SSTR2: variants seen among roughly 807,000 people sequenced by gnomAD.
SSTR2 encodes somatostatin receptor 2.
SSTR2 carries 10 observed loss-of-function variants against 21.4 expected under a neutral mutation model. The observed-to-expected ratio is 0.47, with a 90% CI of 0.29 to 0.79. The LOEUF is 0.79. SSTR2 is among the 30% of genes least tolerant of loss of function. The pLI is 0.10. For synonymous variants in SSTR2, 177 were observed against 181.3 expected (o/e 0.98, Z 0.19); for missense variants, 364 against 468.8 (o/e 0.78, Z 2.06).
chr17:73,168,349 C>A (rs2061222882), intron 1 of SSTR2, among the ~76,000 whole-genome samples: 1 of 152,210 alleles, frequency 6.6e-6, no homozygotes, highest in Non-Finnish European at 1.5e-5. Context: ...CAGGCAAATT[C>A]TCTGGAGTGT....
Position 73,169,194 on chromosome 17 carries a change from G to A in SSTR2, c.-92-34G>A, listed in dbSNP as rs2061225580. 1 of 1,195,206 alleles carries A rather than the reference G, an allele frequency of 8.4e-7. No homozygotes were observed. The highest frequency in any genetic ancestry group is 1.6e-5 in the South Asian group (1 of 62,238). 74.0% of individuals were successfully genotyped at this position (1,195,206 alleles called of 1,614,324 possible). A position where few individuals can be genotyped will look rare whatever the true frequency, so the allele number is the denominator to read the frequency against. On this transcript the variant is annotated intron_variant, in intron 1 of 1. Transcript: ENST00000357585. This position sits in a 1 kb window ranked among gnomAD's most constrained non-coding sequence, Gnocchi z 5.2. ...TTTGGTGAGACTTTAAACAGCCTGT[G>A]ACCGACGGGCCAATCTTCCTCTTTT...
chr17:73,165,338 TAAGA>T (rs143593473), intron 1 of SSTR2, 50 bp downstream of exon 1: 5,683 of 122,750 alleles, frequency 0.046, 360 homozygotes, highest in African/African-American at 0.16. Context: ...GTGTGTGTGA[TAAGA>T]GAGATGGAGG....
intron 1 of SSTR2, among the ~76,000 whole-genome samples, chr17:73,166,459 CAGGTGCGTG>C (rs1393272201): frequency 1.3e-5 from 2 of 151,056 alleles, no homozygotes; most frequent in African/African-American, 2.5e-5. Flanking sequence ...GCGGGGGGGG[CAGGTGCGTG>C]AGACCATTCT....
chr17:73,171,921 C>CAAAAAAAAAAAAAA lies in SSTR2; in HGVS notation c.*1515_*1528dup, dbSNP rs61493168. 2 of 17,968 alleles carry CAAAAAAAAAAAAAA rather than the reference C, an allele frequency of 1.1e-4. No homozygotes were observed. Among genetic ancestry groups the CAAAAAAAAAAAAAA allele is most frequent in the Non-Finnish European group, 1.9e-4 (2 of 10,482 alleles). 1.1% of individuals were successfully genotyped at this position (17,968 alleles called of 1,614,324 possible). A position where few individuals can be genotyped will look rare whatever the true frequency, so the allele number is the denominator to read the frequency against. The stretch of plus-strand genomic sequence containing the variant: ...GAGCAACAAGAGCAAAACTCAGTCT[C>CAAAAAAAAAAAAAA]AAAAAAAAAAAAAAAAAAAAAAAAA... On this transcript the variant is annotated 3_prime_UTR_variant, in exon 2 of 2. Coordinates refer to ENST00000357585, the MANE Select transcript of SSTR2 (RefSeq NM_001050.3).
rs777985379 is a variant in SSTR2, at chr17:73,170,653, G to A, written c.*224G>A. ...CCCTTAAAGCGAACACTGAAATGCAGGTAGACAATTCAAAGTCTGGAGAAG... is the reference window on the plus strand; with the variant it reads ...CCCTTAAAGCGAACACTGAAATGCAAGTAGACAATTCAAAGTCTGGAGAAG... On this transcript the variant is annotated 3_prime_UTR_variant, in exon 2 of 2. Coordinates refer to ENST00000357585, the MANE Select transcript of SSTR2 (RefSeq NM_001050.3). The A allele has an allele frequency of 1.6e-5, 11 of 700,660 alleles. No individual in the cohort carries two copies. The highest frequency in any genetic ancestry group is 9.0e-5 in the South Asian group (6 of 66,760). The allele number at this position is 700,660 out of a possible 1,614,324, so 43.4% of individuals were successfully genotyped here.
In SSTR2 at chr17:73,173,468, T is replaced by A. The variant is rs1374576086; in HGVS notation, c.*3039T>A. 6.6e-6 allele frequency: 1 copy of A among 152,230 alleles called. No individual in the cohort carries two copies. Among genetic ancestry groups the A allele is most frequent in the Non-Finnish European group, 1.5e-5 (1 of 68,030 alleles). The allele number at this position is 152,230 out of a possible 1,614,324, so 9.4% of individuals were successfully genotyped here. A position where few individuals can be genotyped will look rare whatever the true frequency, so the allele number is the denominator to read the frequency against. ...TTCTCTACTTTTTGAAGTATCTGTT[T>A]CAAAGATAACTTGCTCTCTGGTTCT... On this transcript the variant is annotated 3_prime_UTR_variant, in exon 2 of 2. Coordinates refer to ENST00000357585, the MANE Select transcript of SSTR2 (RefSeq NM_001050.3).
Position 73,169,232 on chromosome 17 carries a change from C to T in SSTR2, c.-88C>T. 1 of 1,442,092 alleles carries T rather than the reference C, an allele frequency of 6.9e-7. No homozygotes were observed. Among genetic ancestry groups the T allele is most frequent in the Non-Finnish European group, 9.2e-7 (1 of 1,085,006 alleles). 89.3% of individuals were successfully genotyped at this position (1,442,092 alleles called of 1,614,324 possible). A position where few individuals can be genotyped will look rare whatever the true frequency, so the allele number is the denominator to read the frequency against. ...ATCTTCCTCTTTTCCTTCCAGATGTCACACTGGATCCTTGGCCTCCAGGGT... is the reference window on the plus strand; with the variant it reads ...ATCTTCCTCTTTTCCTTCCAGATGTTACACTGGATCCTTGGCCTCCAGGGT... On this transcript the variant is annotated 5_prime_UTR_variant, in exon 2 of 2. Transcript: ENST00000357585. This position sits in a 1 kb window ranked among gnomAD's most constrained non-coding sequence, Gnocchi z 5.2.
Position 73,165,295 on chromosome 17 carries a change from G to GTGT in SSTR2, c.-93+7_-93+8insTGT, listed in dbSNP as rs2061211959. On this transcript the variant is annotated splice_region_variant and intron_variant, in intron 1 of 1. Coordinates refer to ENST00000357585, the MANE Select transcript of SSTR2 (RefSeq NM_001050.3). Reference sequence around the variant, plus strand: ...TTGCAGCGGAAAAGCAAAGGTGAGGGGTGTGTGTGTGTGTGTGTGTGTGTG... The same window carrying GTGT: ...TTGCAGCGGAAAAGCAAAGGTGAGGGTGTGTGTGTGTGTGTGTGTGTGTGTGTG... The GTGT allele has an allele frequency of 3.0e-5, 4 of 132,346 alleles. No homozygotes were observed. Among genetic ancestry groups the GTGT allele is most frequent in the African/African-American group, 8.2e-5 (3 of 36,516 alleles). 8.2% of individuals were successfully genotyped at this position (132,346 alleles called of 1,614,324 possible).
rs1230041023 is a variant in SSTR2, at chr17:73,169,841, C to T, written c.522C>T (p.Ile174=). The change falls in exon 2 of 2, where the codon ATC becomes ATT. Residue 174 remains isoleucine, a synonymous_variant. Coordinates refer to ENST00000357585, the MANE Select transcript of SSTR2 (RefSeq NM_001050.3). This position sits in a 1 kb window ranked among gnomAD's most constrained non-coding sequence, Gnocchi z 5.2. ...MAVWGVSLLV[I]LPIMIYAGLR... is the part of the protein sequence containing the mutation. ...TGTGGGGAGTCTCTCTGCTGGTCAT[C>T]TTGCCCATCATGATATATGCTGGGC... 2 of 1,614,172 alleles carry T rather than the reference C, an allele frequency of 1.2e-6. No individual in the cohort carries two copies. The highest frequency in any genetic ancestry group is 3.3e-5 in the Admixed American group (2 of 60,030).
Position 73,174,462 on chromosome 17 carries a change from A to C in SSTR2, c.*4033A>C, listed in dbSNP as rs1172083864. On this transcript the variant is annotated 3_prime_UTR_variant, in exon 2 of 2. Transcript: ENST00000357585. ...TGTTCCGGGCTGGGGATGGTGGCTC[A>C]CACCTGTGATCTCAGCACTTTGGGA... The C allele has an allele frequency of 6.6e-6, 1 of 152,074 alleles. No individual in the cohort carries two copies. Among genetic ancestry groups the C allele is most frequent in the African/African-American group, 2.4e-5 (1 of 41,384 alleles). 9.4% of individuals were successfully genotyped at this position (152,074 alleles called of 1,614,324 possible). A position where few individuals can be genotyped will look rare whatever the true frequency, so the allele number is the denominator to read the frequency against.
At position 73,170,350 on chromosome 17, in the gene SSTR2, A is replaced by G. The variant is rs1376544219; in HGVS notation, c.1031A>G (p.Lys344Arg). 6.2e-7 allele frequency: 1 copy of G among 1,614,056 alleles called. No homozygotes were observed. The highest frequency in any genetic ancestry group is 1.7e-5 in the Admixed American group (1 of 60,010). Residue 344 changes from lysine to arginine, a missense_variant, in exon 2 of 2, where the codon AAG becomes AGG. By Grantham distance (26) the Lys-to-Arg change is conservative (BLOSUM62 2). Transcript: ENST00000357585. ...GTDDGERSDSKQDKSRLNETT... is the reference protein window; with the variant it reads ...GTDDGERSDSRQDKSRLNETT... Reference sequence around the variant, plus strand: ...GATGATGGGGAGCGGAGTGACAGTAAGCAGGACAAATCCCGGCTGAATGAG... The same window carrying G: ...GATGATGGGGAGCGGAGTGACAGTAGGCAGGACAAATCCCGGCTGAATGAG...
In SSTR2 at chr17:73,173,255, G is replaced by C. The variant is rs564025627; in HGVS notation, c.*2826G>C. 4 of 151,648 alleles carry C rather than the reference G, an allele frequency of 2.6e-5. No individual in the cohort carries two copies. Among genetic ancestry groups the C allele is most frequent in the South Asian group, 4.2e-4 (2 of 4,810 alleles). The allele number at this position is 151,648 out of a possible 1,614,324, so 9.4% of individuals were successfully genotyped here. On this transcript the variant is annotated 3_prime_UTR_variant, in exon 2 of 2. Transcript: ENST00000357585. ...TATAGTACCCATGACCCTGCAACCA[G>C]AGAAACTGCCTGTAGGGAGGCCAGA...
In SSTR2 at chr17:73,169,885, G is replaced by A. The variant is rs2061228126; in HGVS notation, c.566G>A (p.Gly189Glu). The A allele has an allele frequency of 3.1e-6, 5 of 1,611,652 alleles. No homozygotes were observed. Among genetic ancestry groups the A allele is most frequent in the Non-Finnish European group, 4.2e-6 (5 of 1,178,090 alleles). ...IYAGLRSNQW[G>E]RSSCTINWPG... ...GCTGGGCTCCGGAGCAACCAGTGGG[G>A]GAGAAGCAGCTGCACCATCAACTGG... is the stretch of plus-strand genomic sequence containing the variant. The change falls in exon 2 of 2, where the codon GGG becomes GAG. Residue 189 changes from glycine to glutamate, a missense_variant. Physicochemically the swap from Gly to Glu is moderately conservative, Grantham distance 98. This residue lies in a region of SSTR2 where 193 missense variants were observed against 273.1 expected (regional missense o/e 0.71). Coordinates refer to ENST00000357585, the MANE Select transcript of SSTR2 (RefSeq NM_001050.3). The surrounding 1 kb of genome is among the most constrained non-coding windows in gnomAD (Gnocchi z 5.2).
intron 1 of SSTR2, among the ~76,000 whole-genome samples, chr17:73,166,457 G>C (rs1213338334): frequency 2.0e-5 from 3 of 150,508 alleles, no homozygotes; most frequent in Non-Finnish European, 4.4e-5. Flanking sequence ...GGGCGGGGGG[G>C]GCAGGTGCGT....
chr17:73,174,443 G>C lies in SSTR2; in HGVS notation c.*4014G>C, dbSNP rs746061182. ...AATGGACTGTTAAAATGCATGTTCCGGGCTGGGGATGGTGGCTCACACCTG... is the reference window on the plus strand; with the variant it reads ...AATGGACTGTTAAAATGCATGTTCCCGGCTGGGGATGGTGGCTCACACCTG... On this transcript the variant is annotated 3_prime_UTR_variant, in exon 2 of 2. Coordinates refer to ENST00000357585, the MANE Select transcript of SSTR2 (RefSeq NM_001050.3). 1 of 151,994 alleles carries C rather than the reference G, an allele frequency of 6.6e-6. No individual in the cohort carries two copies. Among genetic ancestry groups the C allele is most frequent in the Non-Finnish European group, 1.5e-5 (1 of 68,048 alleles). The allele number at this position is 151,994 out of a possible 1,614,324, so 9.4% of individuals were successfully genotyped here.
At position 73,176,620 on chromosome 17, in the gene SSTR2, T is replaced by C. The variant is rs2061249562; in HGVS notation, c.*6191T>C. The C allele has an allele frequency of 6.6e-6, 1 of 152,364 alleles. No individual in the cohort carries two copies. Among genetic ancestry groups the C allele is most frequent in the Non-Finnish European group, 1.5e-5 (1 of 68,066 alleles). 9.4% of individuals were successfully genotyped at this position (152,364 alleles called of 1,614,324 possible). A position where few individuals can be genotyped will look rare whatever the true frequency, so the allele number is the denominator to read the frequency against. ...AAACTTTGAGTTAATTAAACCTCTT[T>C]CCTTTATAAATTACCCAGTCTTGCG... is the stretch of plus-strand genomic sequence containing the variant. On this transcript the variant is annotated 3_prime_UTR_variant, in exon 2 of 2. Coordinates refer to ENST00000357585, the MANE Select transcript of SSTR2 (RefSeq NM_001050.3).
In SSTR2 at chr17:73,174,597, A is replaced by G. The variant is rs2061244459; in HGVS notation, c.*4168A>G. The G allele has an allele frequency of 6.6e-6, 1 of 152,070 alleles. No homozygotes were observed. Among genetic ancestry groups the G allele is most frequent in the Admixed American group, 6.6e-5 (1 of 15,244 alleles). 9.4% of individuals were successfully genotyped at this position (152,070 alleles called of 1,614,324 possible). On this transcript the variant is annotated 3_prime_UTR_variant, in exon 2 of 2. Transcript: ENST00000357585. Reference sequence around the variant, plus strand: ...AGAAAAGAAAAGAAAAGAAAAAAAGATTCATATTCCTGATCAGCTCTGAAT... The same window carrying G: ...AGAAAAGAAAAGAAAAGAAAAAAAGGTTCATATTCCTGATCAGCTCTGAAT...
Position 73,170,109 on chromosome 17 carries a change from G to A in SSTR2, c.790G>A (p.Val264Ile). 1 of 1,614,188 alleles carries A rather than the reference G, an allele frequency of 6.2e-7. No individual in the cohort carries two copies. The highest frequency in any genetic ancestry group is 8.5e-7 in the Non-Finnish European group (1 of 1,180,044). ...CCGAATGGTGTCCATCGTGGTGGCT[G>A]TCTTCATCTTCTGCTGGCTTCCCTT... Reference protein sequence around the residue: ...VTRMVSIVVAVFIFCWLPFYI... With the variant: ...VTRMVSIVVAIFIFCWLPFYI... The change falls in exon 2 of 2, where the codon GTC (valine) becomes ATC (isoleucine). Residue 264 changes from valine to isoleucine, a missense_variant. Around this residue, in one of 4 missense-constraint regions of SSTR2, gnomAD observed 193 missense variants for 273.1 expected, o/e 0.71. Coordinates refer to ENST00000357585, the MANE Select transcript of SSTR2 (RefSeq NM_001050.3).
Position 73,171,069 on chromosome 17 carries a change from TAA to T in SSTR2, c.*642_*643del, listed in dbSNP as rs949256853. ...TAAGATATGTTTGTATTGTTTTTCT[TAA>T]AGAGGAACCTCGTATAAGCTTCAAG... On this transcript the variant is annotated 3_prime_UTR_variant, in exon 2 of 2. Transcript: ENST00000357585. The T allele has an allele frequency of 5.3e-6, 1 of 190,232 alleles. No homozygotes were observed. Among genetic ancestry groups the T allele is most frequent in the African/African-American group, 2.4e-5 (1 of 42,166 alleles). The allele number at this position is 190,232 out of a possible 1,614,324, so 11.8% of individuals were successfully genotyped here.
Sources: allele counts gnomAD v4.1 joint callset (sites outside exome capture counted in the v4.1 genomes callset), GRCh38; gene constraint gnomAD v4.1.1; regional missense constraint gnomAD v4.1.1; non-coding constraint Gnocchi (gnomAD v3.1); transcripts MANE v1.5; gene names NCBI Gene and HGNC (gene_info 2026-07-23, HGNC 2026-07-21).